SERPINB7: variants seen among roughly 807,000 people sequenced by gnomAD.
SERPINB7 encodes the protein serpin family B member 7.
SERPINB7 carries 31 observed loss-of-function variants against 37.4 expected under a neutral mutation model. The observed-to-expected ratio is 0.83, with a 90% CI of 0.62 to 1.12. The LOEUF is 1.12. Among genes scored for constraint, SERPINB7 ranks in the 50% most tolerant of loss-of-function variants. The pLI is 0.00. For synonymous variants in SERPINB7, 163 were observed against 166.1 expected (o/e 0.98, Z 0.14); for missense variants, 521 against 455.3 (o/e 1.14, Z -1.31).
chr18:63,779,859 A>T (rs181599073), intron 1 of SERPINB7, among the ~76,000 whole-genome samples: 2 of 151,436 alleles, frequency 1.3e-5, no homozygotes, highest in Admixed American at 6.6e-5. Flanking sequence ...CAAAAGTATA[A>T]TTTTTTTTTG....
chr18:63,799,811 A>G (rs1023219678), intron 6 of SERPINB7, among the ~76,000 whole-genome samples: 4 of 152,212 alleles, frequency 2.6e-5, no homozygotes, highest in African/African-American at 9.6e-5. Context: ...GTTCAAGGAC[A>G]GAGAATTATC....
chr18:63,784,780 C>T (rs2049347888), intron 2 of SERPINB7, among the ~76,000 whole-genome samples: 1 of 152,178 alleles, frequency 6.6e-6, no homozygotes, highest in Non-Finnish European at 1.5e-5. Flanking sequence ...TGTCACTGTT[C>T]AATGTGTTAG....
intron 1 of SERPINB7, among the ~76,000 whole-genome samples, chr18:63,777,546 C>A (rs1402403353): frequency 6.6e-6 from 1 of 151,954 alleles, no homozygotes; most frequent in Non-Finnish European, 1.5e-5. Context: ...TACTAAATAT[C>A]AAATGAAATA....
chr18:63,786,845 T>A (rs1021987111), intron 2 of SERPINB7, among the ~76,000 whole-genome samples: 4 of 152,204 alleles, frequency 2.6e-5, no homozygotes, highest in African/African-American at 9.6e-5. Flanking sequence ...GGAAGAATTG[T>A]GATAAACAAG....
intron 5 of SERPINB7, among the ~76,000 whole-genome samples, chr18:63,796,742 A>T (rs912704199): frequency 2.0e-5 from 3 of 152,172 alleles, no homozygotes; most frequent in African/African-American, 7.2e-5. Flanking sequence ...ACTAAGAGTT[A>T]TTATTTTCTT....
At chr18:63,780,538 C>T (rs1404540593) in intron 1 of SERPINB7, among the ~76,000 whole-genome samples, 1 of 152,144 alleles carries the variant, frequency 6.6e-6, no homozygotes, top group Non-Finnish European at 1.5e-5. Flanking sequence ...CATTGTTTCT[C>T]GTCTCCTTTG....
intron 1 of SERPINB7, among the ~76,000 whole-genome samples, chr18:63,779,978 T>C (rs893181504): frequency 1.3e-5 from 2 of 152,164 alleles, no homozygotes; most frequent in African/African-American, 4.8e-5. Context: ...TGGGAAATGA[T>C]AGCTTCCAGA....
Position 63,783,216 on chromosome 18 carries a change from G to A in SERPINB7, c.168+676G>A, listed in dbSNP as rs1701642. Among the ~76,000 whole-genome samples the A allele has an allele frequency of 3.5e-3, 237 of 66,972 alleles. 2 individuals are homozygous for A. The highest frequency in any genetic ancestry group is 0.029 in the East Asian group (45 of 1,552). The allele number at this position is 66,972 out of a possible 152,430, so 43.9% of individuals were successfully genotyped here. The stretch of plus-strand genomic sequence containing the variant: ...AGAGAGAGAGAGAGAGAGAGAGAGA[G>A]AGAGAGAGAGAGAGAGAGAAAGAAA... On this transcript the variant is annotated intron_variant, in intron 2 of 7. Transcript: ENST00000398019.
chr18:63,800,714 A>C (rs1356040080), intron 6 of SERPINB7, 152 bp from the exon 7 acceptor site: 1 of 717,452 alleles, frequency 1.4e-6, no homozygotes, highest in African/African-American at 1.8e-5. Flanking sequence ...GATTTGCACC[A>C]ATGCAACCAC....
chr18:63,779,630 G>A (rs765033018), intron 1 of SERPINB7, among the ~76,000 whole-genome samples: 6 of 151,464 alleles, frequency 4.0e-5, no homozygotes, highest in East Asian at 1.9e-4. Flanking sequence ...TTTCTCTGTC[G>A]TGATTTTTTT....
intron 1 of SERPINB7, among the ~76,000 whole-genome samples, chr18:63,758,801 CTT>C (rs879521311): frequency 4.8e-4 from 73 of 152,324 alleles, no homozygotes; most frequent in African/African-American, 1.6e-3. Context: ...GAGTTATACT[CTT>C]TGCTTTGGCA....
chr18:63,786,103 ATATATG>A (rs1459157033), intron 2 of SERPINB7, among the ~76,000 whole-genome samples: 5 of 132,592 alleles, frequency 3.8e-5, no homozygotes, highest in Admixed American at 2.4e-4. Flanking sequence ...ATATAAGTAT[ATATATG>A]TATATATGTA....
Position 63,804,363 on chromosome 18 carries a change from T to A in SERPINB7, c.871T>A (p.Leu291Met), listed in dbSNP as rs761597722. 3.3e-5 allele frequency: 53 copies of A among 1,613,534 alleles called. 1 individual carries two copies. The Middle Eastern group carries it at 1.3e-3, about 40-fold the overall frequency. The change falls in exon 8 of 8, where the codon TTG becomes ATG. Residue 291 changes from leucine to methionine, a missense_variant. Transcript: ENST00000398019. ...IEKNYEMKQY[L>M]RALGLKDIFD... ...GAAGAATTATGAAATGAAACAATAT[T>A]TGAGAGCCCTAGGGCTGAAAGATAT...
chr18:63,779,433 T>A (rs1246949804), intron 1 of SERPINB7, among the ~76,000 whole-genome samples: 1 of 152,152 alleles, frequency 6.6e-6, no homozygotes, highest in African/African-American at 2.4e-5. Context: ...ACTTAAACAG[T>A]GCACCTGCAT....
At chr18:63,797,574 T>C (rs1464243778) in intron 5 of SERPINB7, among the ~76,000 whole-genome samples, 1 of 152,222 alleles carries the variant, frequency 6.6e-6, no homozygotes, top group African/African-American at 2.4e-5. Context: ...CTCTAATTTT[T>C]CATAAGCATA....
At chr18:63,792,318 AT>A in intron 2 of SERPINB7, 74 bp from the exon 3 acceptor site, 1 of 1,094,952 alleles carries the variant, frequency 9.1e-7, no homozygotes. Flanking sequence ...GAATATTTTT[AT>A]TTTTAAAACC....
intron 4 of SERPINB7, among the ~76,000 whole-genome samples, chr18:63,795,753 T>A (rs1461838990): frequency 6.6e-6 from 1 of 152,036 alleles, no homozygotes; most frequent in East Asian, 1.9e-4. Context: ...AGAGGAAACA[T>A]GGCATTTTTG....
intron 4 of SERPINB7, among the ~76,000 whole-genome samples, chr18:63,793,763 A>G (rs1026016627): frequency 6.6e-6 from 1 of 152,094 alleles, no homozygotes; most frequent in African/African-American, 2.4e-5. Context: ...AGCCTCCCAA[A>G]TTGCTGCAAC....
chr18:63,793,080 A>AT (rs1427804993), intron 3 of SERPINB7, 81 bp from the exon 4 acceptor site: 1 of 659,198 alleles, frequency 1.5e-6, no homozygotes, highest in East Asian at 2.9e-5. Context: ...TATAATTTGC[A>AT]TGTTTTGTTT....
Sources: gnomAD v4.1 joint callset for allele counts (sites outside exome capture counted in the v4.1 genomes callset) on GRCh38, gnomAD v4.1.1 for gene constraint, MANE v1.5 for transcripts, NCBI Gene and HGNC (gene_info 2026-07-23, HGNC 2026-07-21) for gene names.